Variants in MS4A4A observed in about 807,000 individuals in gnomAD.
The protein encoded by MS4A4A is membrane-spanning 4-domains subfamily A member 4A.
In MS4A4A, 26 loss-of-function variants were observed where a neutral mutation model predicts 28.0. The ratio of observed to expected loss-of-function variants is 0.93; its 90% CI spans 0.68 to 1.29. The LOEUF (loss-of-function observed/expected upper bound fraction) is 1.29, where lower values mean the gene tolerates loss of function less well. MS4A4A is among the 50% of genes most tolerant of loss of function. The probability of loss-of-function intolerance (pLI) is 0.00; values close to 1 mark genes in which losing one functional copy is unlikely to be tolerated. For synonymous variants in MS4A4A, 86 were observed against 100.8 expected (o/e 0.85, Z 0.88); for missense variants, 290 against 293.1 (o/e 0.99, Z 0.08).
chr11:60,304,761 C>T (rs1045782731), intron 5 of MS4A4A, among the ~76,000 whole-genome samples: 1 of 152,310 alleles, frequency 6.6e-6, no homozygotes, highest in East Asian at 1.9e-4. Flanking sequence ...ACCTTATGGT[C>T]GGCAAAATCT....
intron 1 of MS4A4A, among the ~76,000 whole-genome samples, chr11:60,283,212 G>A (rs1004356307): frequency 6.6e-6 from 1 of 151,946 alleles, no homozygotes; most frequent in Non-Finnish European, 1.5e-5. Context: ...GATTACAGGC[G>A]CCCACCACCA....
intron 5 of MS4A4A, among the ~76,000 whole-genome samples, chr11:60,304,203 A>C (rs894559459): frequency 2.6e-5 from 4 of 152,198 alleles, no homozygotes; most frequent in Non-Finnish European, 5.9e-5. Context: ...TTAGTTTACG[A>C]AGTTCTCTTC....
At chr11:60,291,603 T>C (rs1054646677) in intron 1 of MS4A4A, among the ~76,000 whole-genome samples, 4 of 151,926 alleles carry the variant, frequency 2.6e-5, no homozygotes, top group Admixed American at 2.6e-4. Flanking sequence ...ATGGAGACCA[T>C]ACTGGCCAAC....
At chr11:60,294,717 G>A (rs1357106118) in intron 2 of MS4A4A, among the ~76,000 whole-genome samples, 1 of 150,252 alleles carries the variant, frequency 6.7e-6, no homozygotes, top group Non-Finnish European at 1.5e-5. Flanking sequence ...TTTTTTCATT[G>A]TATTACTTTA....
chr11:60,284,480 G>C (rs2084786257), intron 1 of MS4A4A, among the ~76,000 whole-genome samples: 1 of 152,152 alleles, frequency 6.6e-6, no homozygotes, highest in South Asian at 2.1e-4. Context: ...CAGATAAGAG[G>C]GGTCTATATA....
chr11:60,290,045 G>T, intron 1 of MS4A4A: 1 of 434,396 alleles, frequency 2.3e-6, no homozygotes. Context: ...GGGACTTCTT[G>T]CAGGCTTGTA....
intron 1 of MS4A4A, among the ~76,000 whole-genome samples, chr11:60,283,412 ACCTTC>A (rs1378928365): frequency 6.6e-6 from 1 of 152,102 alleles, no homozygotes; most frequent in African/African-American, 2.4e-5. Context: ...TAATTGCTGG[ACCTTC>A]CACCAAGAAA....
chr11:60,286,198 G>T lies in MS4A4A; in HGVS notation c.41+5482G>T, dbSNP rs150259764. 7.6e-3 allele frequency among the ~76,000 whole-genome samples: 1,159 copies of T among 152,238 alleles called. 17 individuals carry two copies. Among genetic ancestry groups the T allele is most frequent in the African/African-American group, 0.026 (1,095 of 41,532 alleles). On this transcript the variant is annotated intron_variant, in intron 1 of 6. Coordinates refer to ENST00000337908, the MANE Select transcript of MS4A4A (RefSeq NM_148975.3). ...TTATCTCCCTTGTTTCCTGAACATC[G>T]CTGTTATCCTGTTCTTTTTCAGGGT...
At chr11:60,282,582 T>G in intron 1 of MS4A4A, 1 of 1,283,214 alleles carries the variant, frequency 7.8e-7, no homozygotes, top group South Asian at 1.2e-5. Flanking sequence ...GGTTTGTTTT[T>G]GTTCTTACAA....
At chr11:60,280,771 C>T in intron 1 of MS4A4A, 55 bp downstream of exon 1, 1 of 1,599,658 alleles carries the variant, frequency 6.3e-7, no homozygotes, top group Non-Finnish European at 8.6e-7. Context: ...TGTTTCACTT[C>T]CTGGGTTAAG....
At chr11:60,304,627 C>T (rs1321841255) in intron 5 of MS4A4A, among the ~76,000 whole-genome samples, 2 of 152,174 alleles carry the variant, frequency 1.3e-5, no homozygotes, top group African/African-American at 4.8e-5. Context: ...CAGCCCTGTA[C>T]CTGTTTTTGT....
chr11:60,284,248 AC>A (rs1437413520), intron 1 of MS4A4A, among the ~76,000 whole-genome samples: 1 of 152,244 alleles, frequency 6.6e-6, no homozygotes, highest in Non-Finnish European at 1.5e-5. Context: ...ATGAAATAAC[AC>A]ATATAAAACA....
chr11:60,290,097 A>C, intron 1 of MS4A4A: 1 of 445,146 alleles, frequency 2.2e-6, no homozygotes, highest in South Asian at 1.6e-5. Flanking sequence ...CCAATGGAGG[A>C]CTTATTCAGA....
chr11:60,300,930 TAA>T, intron 3 of MS4A4A, 69 bp from the exon 4 acceptor site: 1 of 1,093,628 alleles, frequency 9.1e-7, no homozygotes. Context: ...AATTTAGAAT[TAA>T]GTTTAGTAAG....
intron 1 of MS4A4A, among the ~76,000 whole-genome samples, chr11:60,285,782 G>C (rs186290271): frequency 1.7e-4 from 26 of 152,324 alleles, no homozygotes; most frequent in Admixed American, 1.4e-3. Context: ...GAAGGGCAGA[G>C]CAAGGTCACA....
chr11:60,299,769 T>C (rs2084936452), intron 3 of MS4A4A, among the ~76,000 whole-genome samples: 1 of 152,234 alleles, frequency 6.6e-6, no homozygotes, highest in Non-Finnish European at 1.5e-5. Flanking sequence ...CCAATAATTC[T>C]TTATATTTTA....
intron 1 of MS4A4A, among the ~76,000 whole-genome samples, chr11:60,284,304 A>G (rs920011613): frequency 9.8e-5 from 15 of 152,330 alleles, no homozygotes; most frequent in African/African-American, 2.6e-4. Context: ...ATACATATTG[A>G]CTATTATTAC....
At chr11:60,289,631 T>C (rs1370550197) in intron 1 of MS4A4A, among the ~76,000 whole-genome samples, 6 of 150,550 alleles carry the variant, frequency 4.0e-5, no homozygotes, top group Non-Finnish European at 7.4e-5. Context: ...GTGTTGATGA[T>C]GATGAGGGTT....
chr11:60,305,258 T>C (rs1565149435), intron 5 of MS4A4A, among the ~76,000 whole-genome samples: 1 of 152,266 alleles, frequency 6.6e-6, no homozygotes, highest in Non-Finnish European at 1.5e-5. Context: ...TAGCTTCTTA[T>C]TGTTACTGTA....
Sources: gnomAD v4.1 joint callset for allele counts (sites outside exome capture counted in the v4.1 genomes callset) on GRCh38, gnomAD v4.1.1 for gene constraint, MANE v1.5 for transcripts, NCBI Gene and HGNC (gene_info 2026-07-23, HGNC 2026-07-21) for gene names.